ARIH1: variants seen among roughly 807,000 people sequenced by gnomAD.
ARIH1 encodes E3 ubiquitin-protein ligase ARIH1.
Under a neutral mutation model 85.0 loss-of-function variants are expected in ARIH1, and 8 were observed. The observed-to-expected ratio is 0.09, with a 90% CI of 0.06 to 0.17. The LOEUF is 0.17. Ranked by LOEUF, ARIH1 falls within the 10% of genes least tolerant of loss-of-function variation. The pLI is 1.00. For synonymous variants in ARIH1, 238 were observed against 253.6 expected (o/e 0.94, Z 0.59); for missense variants, 311 against 718.1 (o/e 0.43, Z 6.48).
At chr15:72,519,713 A>G (rs1019518859) in intron 2 of ARIH1, among the ~76,000 whole-genome samples, 13 of 151,212 alleles carry the variant, frequency 8.6e-5, no homozygotes, top group African/African-American at 2.7e-4. Flanking sequence ...CGAACTCCCA[A>G]CCTCAGGTGA....
chr15:72,570,018 A>T, intron 9 of ARIH1, 159 bp from the exon 10 acceptor site: 1 of 636,160 alleles, frequency 1.6e-6, no homozygotes, highest in Non-Finnish European at 2.5e-6. Context: ...CATTTTAAAT[A>T]GTGCTTAAGT....
intron 6 of ARIH1, among the ~76,000 whole-genome samples, chr15:72,562,594 GGTTTTTTGTTT>G (rs1413278749): frequency 6.6e-6 from 1 of 151,298 alleles, no homozygotes; most frequent in Admixed American, 6.6e-5. Flanking sequence ...TTAGGAACTG[GGTTTTTTGTTT>G]GTTTTTTTTT....
chr15:72,547,536 T>C (rs2064135192), intron 3 of ARIH1, among the ~76,000 whole-genome samples: 1 of 152,234 alleles, frequency 6.6e-6, no homozygotes, highest in Admixed American at 6.5e-5. Context: ...CCCAACAGTT[T>C]CTTTTTTCTT....
chr15:72,477,648 G>A (rs1267124641), intron 1 of ARIH1, among the ~76,000 whole-genome samples: 1 of 152,044 alleles, frequency 6.6e-6, no homozygotes, highest in African/African-American at 2.4e-5. Context: ...TTTTCTTTCA[G>A]AAAACTTGGT....
intron 1 of ARIH1, among the ~76,000 whole-genome samples, chr15:72,507,024 T>TATGTATG (rs1567342207): frequency 3.6e-4 from 53 of 147,022 alleles, no homozygotes; most frequent in African/African-American, 1.4e-3. Context: ...ATGTATGTAT[T>TATGTATG]TATTTATTTA....
chr15:72,522,721 A>C (rs1290918768), intron 2 of ARIH1, among the ~76,000 whole-genome samples: 1 of 48,180 alleles, frequency 2.1e-5, no homozygotes, highest in Non-Finnish European at 2.1e-4. Flanking sequence ...GATAAGCTAC[A>C]GACTGAGAAG....
rs2060521125 is a variant in ARIH1 at position 72,600,781 on chromosome 15, T to C, written c.*17489T>C. The stretch of plus-strand genomic sequence containing the variant: ...TTTGAGAAACCAATGTCCTTTCTTA[T>C]TGAAAAAGGCCCTGGTACAGAAAGT... On this transcript the variant is annotated 3_prime_UTR_variant, in exon 14 of 14. Coordinates refer to ENST00000379887, the MANE Select transcript of ARIH1 (RefSeq NM_005744.5). 1.3e-5 allele frequency: 2 copies of C among 152,238 alleles called. No individual in the cohort carries two copies. The highest frequency in any genetic ancestry group is 4.8e-5 in the African/African-American group (2 of 41,454). 9.4% of individuals were successfully genotyped at this position (152,238 alleles called of 1,614,324 possible).
chr15:72,563,279 G>A, intron 6 of ARIH1, 115 bp from the exon 7 acceptor site: 1 of 776,254 alleles, frequency 1.3e-6, no homozygotes, highest in South Asian at 1.6e-5. Flanking sequence ...GGCTGGTCTG[G>A]AGTGCTTGAC....
At chr15:72,493,892 G>A (rs2063869321) in intron 1 of ARIH1, among the ~76,000 whole-genome samples, 1 of 49,482 alleles carries the variant, frequency 2.0e-5, no homozygotes, top group South Asian at 2.0e-3. Context: ...ATTTTTTATT[G>A]TTTGTGCATA....
At chr15:72,530,940 G>T (rs1027057867) in intron 2 of ARIH1, among the ~76,000 whole-genome samples, 1 of 152,184 alleles carries the variant, frequency 6.6e-6, no homozygotes, top group Admixed American at 6.5e-5. Flanking sequence ...AGAGAATGTG[G>T]CAGAGGCAGT....
At chr15:72,557,645 T>G (rs1334277118) in intron 5 of ARIH1, among the ~76,000 whole-genome samples, 1 of 152,308 alleles carries the variant, frequency 6.6e-6, no homozygotes, top group East Asian at 1.9e-4. Context: ...TAGAATGGTA[T>G]TTCCTGGATT....
At chr15:72,541,083 C>A (rs1344482933) in intron 2 of ARIH1, among the ~76,000 whole-genome samples, 1 of 152,076 alleles carries the variant, frequency 6.6e-6, no homozygotes, top group Non-Finnish European at 1.5e-5. Flanking sequence ...CTCTGGGAGC[C>A]CACGCTATTT....
chr15:72,575,108 A>G (rs1376424714), intron 11 of ARIH1, among the ~76,000 whole-genome samples: 2 of 152,038 alleles, frequency 1.3e-5, no homozygotes, highest in East Asian at 1.9e-4. Context: ...CAAAAAAACA[A>G]CAAAGAAAGC....
At chr15:72,561,665 T>C in intron 6 of ARIH1, 116 bp downstream of exon 6, 1 of 657,554 alleles carries the variant, frequency 1.5e-6, no homozygotes, top group Non-Finnish European at 2.5e-6. Flanking sequence ...TTATGAAGCA[T>C]GCCAAAATAC....
At chr15:72,573,680 T>C (rs1442267930) in intron 11 of ARIH1, among the ~76,000 whole-genome samples, 1 of 151,736 alleles carries the variant, frequency 6.6e-6, no homozygotes, top group African/African-American at 2.4e-5. Context: ...CCAATATTGA[T>C]TTAAATTATA....
At chr15:72,480,441 A>G (rs2063811522) in intron 1 of ARIH1, among the ~76,000 whole-genome samples, 1 of 151,290 alleles carries the variant, frequency 6.6e-6, no homozygotes, top group African/African-American at 2.4e-5. Flanking sequence ...TTTGTATTTT[A>G]TTAGAGATGA....
chr15:72,537,792 T>C (rs1396737229), intron 2 of ARIH1, among the ~76,000 whole-genome samples: 10 of 152,220 alleles, frequency 6.6e-5, no homozygotes, highest in African/African-American at 2.2e-4. Context: ...AGAATAATTG[T>C]GACTTTTGTA....
At chr15:72,529,835 A>G (rs2064047901) in intron 2 of ARIH1, among the ~76,000 whole-genome samples, 1 of 152,212 alleles carries the variant, frequency 6.6e-6, no homozygotes, top group Non-Finnish European at 1.5e-5. Context: ...TATGCGAAGA[A>G]TAGAGGGGAA....
chr15:72,551,739 C>A (rs2064153796), intron 3 of ARIH1, among the ~76,000 whole-genome samples: 1 of 152,014 alleles, frequency 6.6e-6, no homozygotes, highest in South Asian at 2.1e-4. Flanking sequence ...AAAGATTTCC[C>A]CTACTTATAA....
Sources: allele counts gnomAD v4.1 joint callset (sites outside exome capture counted in the v4.1 genomes callset), GRCh38; gene constraint gnomAD v4.1.1; transcripts MANE v1.5; gene names NCBI Gene and HGNC (gene_info 2026-07-23, HGNC 2026-07-21).